The following TMEM229B variants were observed in gnomAD, a reference collection of about 807,000 sequenced individuals.
TMEM229B encodes the protein transmembrane protein 229B, also known as chromosome 14 open reading frame 83.
TMEM229B carries 6 observed loss-of-function variants against 13.7 expected under a neutral mutation model. That is an observed-to-expected ratio of 0.44 (90% CI 0.24 to 0.86). The LOEUF (loss-of-function observed/expected upper bound fraction) is 0.86. Among genes scored for constraint, TMEM229B ranks in the 40% least tolerant of loss-of-function variants. The pLI is 0.23. For synonymous variants in TMEM229B, 107 were observed against 102.1 expected (o/e 1.05, Z -0.29); for missense variants, 170 against 236.0 (o/e 0.72, Z 1.83).
intron 2 of TMEM229B, among the ~76,000 whole-genome samples, chr14:67,481,775 C>A (rs2031601873): frequency 6.6e-6 from 1 of 152,188 alleles, no homozygotes; most frequent in Non-Finnish European, 1.5e-5. Flanking sequence ...TCCTTAGGCT[C>A]CTTCCACTAG....
intron 1 of TMEM229B, among the ~76,000 whole-genome samples, chr14:67,495,916 T>C (rs1320053863): frequency 2.0e-5 from 3 of 152,252 alleles, no homozygotes; most frequent in Admixed American, 2.0e-4. Flanking sequence ...AGGTGCCCCA[T>C]TTCAACACCT....
upstream of TMEM229B, among the ~76,000 whole-genome samples, chr14:67,492,514 C>T (rs2032209405): frequency 6.6e-6 from 1 of 152,238 alleles, no homozygotes. Context: ...CTTCCCACTA[C>T]TGCCCATGTC....
chr14:67,490,779 C>T (rs2032138259), upstream of TMEM229B, among the ~76,000 whole-genome samples: 1 of 152,086 alleles, frequency 6.6e-6, no homozygotes, highest in Non-Finnish European at 1.5e-5. Context: ...TTTTTTTACC[C>T]CCACTCTCCT....
intron 2 of TMEM229B, among the ~76,000 whole-genome samples, chr14:67,475,755 C>A (rs954415346): frequency 6.6e-6 from 1 of 152,190 alleles, no homozygotes; most frequent in Non-Finnish European, 1.5e-5. Flanking sequence ...TAAACCCCAC[C>A]AGTCTTCAAC....
At chr14:67,515,742 G>A (rs1025104947), upstream of TMEM229B, among the ~76,000 whole-genome samples, 2 of 152,338 alleles carry the variant, frequency 1.3e-5, no homozygotes, top group South Asian at 2.1e-4. Flanking sequence ...GACCAGGCGT[G>A]CAACATCCAC....
chr14:67,517,211 G>A (rs1438424047), upstream of TMEM229B, among the ~76,000 whole-genome samples: 1 of 152,174 alleles, frequency 6.6e-6, no homozygotes, highest in East Asian at 1.9e-4. Flanking sequence ...CATCCCCTGT[G>A]CCCCCTTGCC....
chr14:67,494,034 G>A (rs2032269941), intron 1 of TMEM229B, among the ~76,000 whole-genome samples: 1 of 151,966 alleles, frequency 6.6e-6, no homozygotes, highest in Non-Finnish European at 1.5e-5. Flanking sequence ...CATGCACTCA[G>A]CTGGACACTG....
chr14:67,528,359 T>C (rs1275084306), intron 1 of TMEM229B, among the ~76,000 whole-genome samples: 1 of 152,176 alleles, frequency 6.6e-6, no homozygotes, highest in Non-Finnish European at 1.5e-5. Context: ...CTGACAGGCC[T>C]GGGTTTCCTT....
At chr14:67,478,547 C>T (rs770977409) in intron 2 of TMEM229B, among the ~76,000 whole-genome samples, 5 of 151,820 alleles carry the variant, frequency 3.3e-5, no homozygotes, top group Admixed American at 1.3e-4. Flanking sequence ...AATGCAAATC[C>T]GATGTTTCTC....
At chr14:67,481,517 T>C (rs2140093275) in intron 2 of TMEM229B, among the ~76,000 whole-genome samples, 1 of 151,932 alleles carries the variant, frequency 6.6e-6, no homozygotes, top group East Asian at 1.9e-4. Flanking sequence ...GAAGATGGGG[T>C]TGAAGAGAAA....
Position 67,473,886 on chromosome 14 carries a change from C to T in TMEM229B, c.38G>A (p.Trp13Ter), listed in dbSNP as rs1241718024. ...SAEPLTALSR[W>*]YLYAIHGYFC... ...GTAGCCGTGGATGGCATACAGGTAC[C>T]AGCGGGACAGCGCCGTCAGGGGCTC... The change falls in exon 3 of 3, where the codon TGG becomes TAG. Residue 13 changes from tryptophan (W) to a stop codon, truncating the protein, a stop_gained. Coordinates refer to ENST00000554480, the MANE Select transcript of TMEM229B (RefSeq NM_001348543.2). LOFTEE classifies it high-confidence loss of function. The surrounding 1 kb of genome is among the most constrained non-coding windows in gnomAD (Gnocchi z 6.5). The T allele has an allele frequency of 2.5e-6, 4 of 1,609,730 alleles. No homozygotes were observed. The highest frequency in any genetic ancestry group is 3.4e-6 in the Non-Finnish European group (4 of 1,178,244).
intron 1 of TMEM229B, among the ~76,000 whole-genome samples, chr14:67,496,419 T>TTTTTG (rs2032381758): frequency 7.6e-6 from 1 of 132,148 alleles, no homozygotes; most frequent in Non-Finnish European, 1.6e-5. Flanking sequence ...TTTTTTTTTT[T>TTTTTG]TTGAGACAGG....
chr14:67,517,382 G>A (rs144467565), upstream of TMEM229B, among the ~76,000 whole-genome samples: 20 of 152,324 alleles, frequency 1.3e-4, no homozygotes, highest in Middle Eastern at 3.4e-3. Flanking sequence ...CATGAGGCAC[G>A]GTAGGCGCCG....
At chr14:67,513,044 C>T (rs2033079282) in intron 1 of TMEM229B, among the ~76,000 whole-genome samples, 1 of 152,178 alleles carries the variant, frequency 6.6e-6, no homozygotes, top group South Asian at 2.1e-4. Flanking sequence ...ATCTTTCATT[C>T]AAGGACTTGA....
upstream of TMEM229B, among the ~76,000 whole-genome samples, chr14:67,518,225 T>C (rs2033237638): frequency 6.6e-6 from 1 of 152,142 alleles, no homozygotes; most frequent in Non-Finnish European, 1.5e-5. Context: ...AGGAGCGGTG[T>C]GGTGGTATGG....
chr14:67,519,708 A>C (rs1283253788), upstream of TMEM229B, among the ~76,000 whole-genome samples: 2 of 133,340 alleles, frequency 1.5e-5, no homozygotes, highest in African/African-American at 2.7e-5. Context: ...GTGGCCCTGT[A>C]AGTTTGTTTT....
chr14:67,477,034 C>A (rs987839960), intron 2 of TMEM229B, among the ~76,000 whole-genome samples: 2 of 152,118 alleles, frequency 1.3e-5, no homozygotes, highest in Non-Finnish European at 2.9e-5. Flanking sequence ...AATGTGGTGG[C>A]ATGCGCCTAT....
intron 1 of TMEM229B, among the ~76,000 whole-genome samples, chr14:67,513,406 T>G (rs902791788): frequency 1.3e-5 from 2 of 152,190 alleles, no homozygotes; most frequent in Non-Finnish European, 2.9e-5. Flanking sequence ...CACAAATCTA[T>G]AGCTCAGGGG....
At chr14:67,477,278 C>G (rs1324771138) in intron 2 of TMEM229B, among the ~76,000 whole-genome samples, 1 of 152,222 alleles carries the variant, frequency 6.6e-6, no homozygotes, top group Non-Finnish European at 1.5e-5. Context: ...ACATCTTCAG[C>G]CTTTTCCTCA....
Sources: gnomAD v4.1 joint callset for allele counts (sites outside exome capture counted in the v4.1 genomes callset) on GRCh38, gnomAD v4.1.1 for gene constraint, Gnocchi (gnomAD v3.1) non-coding constraint, MANE v1.5 for transcripts, NCBI Gene and HGNC (gene_info 2026-07-23, HGNC 2026-07-21) for gene names.